Variants in COL11A1 observed in about 807,000 individuals in gnomAD.
COL11A1 encodes the protein collagen alpha-1(XI) chain.
A neutral mutation model predicts 265.2 loss-of-function variants in COL11A1; 74 were observed. That is an observed-to-expected ratio of 0.28 (90% CI 0.23 to 0.34). COL11A1 has a LOEUF of 0.34. Among genes scored for constraint, COL11A1 ranks in the 10% least tolerant of loss-of-function variants. COL11A1 has a pLI of 1.00. For missense variants in COL11A1, 2,165 were observed against 2,263.6 expected, an observed-to-expected ratio of 0.96 and a Z score of 0.88; for synonymous variants, 816 against 727.6, an observed-to-expected ratio of 1.12 and a Z score of -1.96.
intron 37 of COL11A1, among the ~76,000 whole-genome samples, chr1:102,968,601 T>A (rs1055777798): frequency 2.0e-5 from 3 of 152,182 alleles, no homozygotes; most frequent in African/African-American, 7.2e-5. Context: ...CACTCTAGAT[T>A]GTGACTCCTG....
In COL11A1 at chr1:103,078,340, C is replaced by A. The variant is rs191860887; in HGVS notation, c.488+318G>T. Among the ~76,000 whole-genome samples the A allele has an allele frequency of 2.6e-5, 4 of 152,170 alleles. No homozygotes were observed. In the East Asian group the frequency reaches 7.7e-4, roughly 29 times the overall value. On this transcript the variant is annotated intron_variant, in intron 3 of 66. Transcript: ENST00000370096. ...CATGCACTTTACCTTCTTTACATATCACTTTCTTAGTGGGATTTGGCTTGA... is the reference window on the plus strand; with the variant it reads ...CATGCACTTTACCTTCTTTACATATAACTTTCTTAGTGGGATTTGGCTTGA...
At chr1:103,060,066 A>G (rs201979068) in intron 4 of COL11A1, among the ~76,000 whole-genome samples, 1 of 141,968 alleles carries the variant, frequency 7.0e-6, no homozygotes, top group African/African-American at 2.5e-5. Flanking sequence ...ATTTTCAAAT[A>G]TCAGAAAATC....
intron 1 of COL11A1, among the ~76,000 whole-genome samples, chr1:103,095,666 T>G (rs940174683): frequency 1.3e-5 from 2 of 152,050 alleles, no homozygotes; most frequent in African/African-American, 2.4e-5. Flanking sequence ...CTTCCTAATA[T>G]TTTGGCTCTC....
chr1:103,005,841 G>T lies in COL11A1; in HGVS notation c.1842C>A (p.His614Gln), dbSNP rs1665550646. ...GLPGLPGDKG[H>Q]RGERGPQGPP... Reference sequence around the variant, plus strand: ...AAAAGGAATAGATGTATCTTACCCTGTGACCTTTGTCACCTGGCAGACCCG... The same window carrying T: ...AAAAGGAATAGATGTATCTTACCCTTTGACCTTTGTCACCTGGCAGACCCG... Residue 614 changes from histidine (H) to glutamine (Q), a missense_variant, in exon 18 of 67, where the codon CAC (histidine) becomes CAA (glutamine). Transcript: ENST00000370096. 1 of 1,613,812 alleles carries T rather than the reference G, an allele frequency of 6.2e-7. No individual in the cohort carries two copies. Among genetic ancestry groups the T allele is most frequent in the African/African-American group, 1.3e-5 (1 of 74,854 alleles).
rs1306515853 is a variant in COL11A1 at position 102,946,869 on chromosome 1, C to A, written c.3256G>T (p.Ala1086Ser). The change falls in exon 42 of 67, where the codon GCT becomes TCT. Residue 1086 changes from alanine (A) to serine (S), a missense_variant. Physicochemically the swap from Ala to Ser is moderately conservative, Grantham distance 99. Transcript: ENST00000370096. Reference protein sequence around the residue: ...RPGPQGPPGPAGEKGAPGEKG... With the variant: ...RPGPQGPPGPSGEKGAPGEKG... ...CTTACAGGAGCACCTTTCTCTCCAGCTGGACCAGGAGGACCCTGAGGTCCC... is the reference window on the plus strand; with the variant it reads ...CTTACAGGAGCACCTTTCTCTCCAGATGGACCAGGAGGACCCTGAGGTCCC... 1 of 1,613,516 alleles carries A rather than the reference C, an allele frequency of 6.2e-7. No individual in the cohort carries two copies. The highest frequency in any genetic ancestry group is 1.7e-5 in the Admixed American group (1 of 59,922).
chr1:103,086,453 G>C (rs562180520), intron 1 of COL11A1, among the ~76,000 whole-genome samples: 1 of 152,280 alleles, frequency 6.6e-6, no homozygotes, highest in South Asian at 2.1e-4. Context: ...GTCTTGCTCT[G>C]TTGCCCAGGC....
At chr1:102,989,059 AACT>A (rs1663857964) in intron 29 of COL11A1, among the ~76,000 whole-genome samples, 1 of 152,170 alleles carries the variant, frequency 6.6e-6, no homozygotes, top group South Asian at 2.1e-4. Flanking sequence ...TACTAGAAAA[AACT>A]ACTATTTTTA....
intron 31 of COL11A1, among the ~76,000 whole-genome samples, chr1:102,982,125 T>A (rs1211071683): frequency 6.6e-6 from 1 of 151,868 alleles, no homozygotes; most frequent in Non-Finnish European, 1.5e-5. Flanking sequence ...AAATAATAAA[T>A]GAGTTATGAA....
intron 28 of COL11A1, among the ~76,000 whole-genome samples, chr1:102,995,224 G>A (rs1035423525): frequency 1.3e-5 from 2 of 151,840 alleles, no homozygotes; most frequent in Admixed American, 1.3e-4. Context: ...CCTGCTAAAT[G>A]TATCCTTGAA....
chr1:102,967,227 CTTTTTTTTTTTTTTTT>C (rs35303945), intron 37 of COL11A1, among the ~76,000 whole-genome samples: 4 of 52,760 alleles, frequency 7.6e-5, no homozygotes, highest in African/African-American at 3.2e-4. Flanking sequence ...ATAATAAATT[CTTTTTTTTTTTTTTTT>C]TTTTTTTTTT....
At chr1:102,923,164 G>T (rs1250079977) in intron 47 of COL11A1, among the ~76,000 whole-genome samples, 172 bp downstream of exon 47, 2 of 152,050 alleles carry the variant, frequency 1.3e-5, no homozygotes, top group East Asian at 3.8e-4. Flanking sequence ...TTCTCTACCT[G>T]CTCCAAATCA....
chr1:102,912,301 T>C (rs1461092339), intron 53 of COL11A1, 89 bp from the exon 54 acceptor site: 1 of 965,754 alleles, frequency 1.0e-6, no homozygotes, highest in Non-Finnish European at 1.6e-6. Context: ...AAACCAACCC[T>C]CTTTCTTCAT....
intron 41 of COL11A1, among the ~76,000 whole-genome samples, chr1:102,950,842 T>G (rs968257887): frequency 6.6e-6 from 1 of 152,174 alleles, no homozygotes; most frequent in Non-Finnish European, 1.5e-5. Flanking sequence ...AGGGAGAGAT[T>G]AAGTGAAGAC....
chr1:103,085,564 G>A (rs1436738264), intron 1 of COL11A1, among the ~76,000 whole-genome samples: 2 of 152,022 alleles, frequency 1.3e-5, no homozygotes, highest in Admixed American at 6.6e-5. Flanking sequence ...CACTGAACGA[G>A]TTGAACAAAA....
intron 54 of COL11A1, among the ~76,000 whole-genome samples, chr1:102,907,474 A>T (rs1052837842): frequency 4.6e-5 from 7 of 152,088 alleles, no homozygotes; most frequent in Non-Finnish European, 1.0e-4. Flanking sequence ...AGCTTCCTAC[A>T]TACCACTCGT....
chr1:103,036,623 G>A (rs1371690236), intron 4 of COL11A1, among the ~76,000 whole-genome samples: 1 of 151,540 alleles, frequency 6.6e-6, no homozygotes, highest in African/African-American at 2.4e-5. Flanking sequence ...TTTTTTCCCA[G>A]AAGGCATTTT....
chr1:103,086,320 G>GAAA (rs36000087), intron 1 of COL11A1, among the ~76,000 whole-genome samples: 1 of 151,072 alleles, frequency 6.6e-6, no homozygotes, highest in Non-Finnish European at 1.5e-5. Flanking sequence ...TTCTGAAAAG[G>GAAA]AAAACAAAAT....
intron 54 of COL11A1, among the ~76,000 whole-genome samples, chr1:102,905,257 A>T (rs1653804692): frequency 6.7e-6 from 1 of 149,904 alleles, no homozygotes; most frequent in Non-Finnish European, 1.5e-5. Flanking sequence ...TAGCATTAGG[A>T]GATATACCTA....
At chr1:102,913,045 C>G (rs921920224) in intron 53 of COL11A1, among the ~76,000 whole-genome samples, 1 of 152,134 alleles carries the variant, frequency 6.6e-6, no homozygotes, top group African/African-American at 2.4e-5. Context: ...TCTGTCTATG[C>G]AGAATAAGCC....
Sources: gnomAD v4.1 joint callset for allele counts (sites outside exome capture counted in the v4.1 genomes callset) on GRCh38, gnomAD v4.1.1 for gene constraint, MANE v1.5 for transcripts, NCBI Gene and HGNC (gene_info 2026-07-23, HGNC 2026-07-21) for gene names.